SLC39A10: variants seen among roughly 807,000 people sequenced by gnomAD.
SLC39A10 encodes solute carrier family 39 member 10, also known as zinc transporter ZIP10.
Under a neutral mutation model 65.1 loss-of-function variants are expected in SLC39A10, and 13 were observed. The observed-to-expected ratio is 0.20, with a 90% CI of 0.13 to 0.32. The LOEUF is 0.32. Ranked by LOEUF, SLC39A10 falls within the 10% of genes least tolerant of loss-of-function variation. SLC39A10 has a pLI of 1.00. For synonymous variants in SLC39A10, 321 were observed against 342.2 expected, an observed-to-expected ratio of 0.94 and a Z score of 0.68; for missense variants, 831 against 1,018.4, an observed-to-expected ratio of 0.82 and a Z score of 2.50.
intron 3 of SLC39A10, among the ~76,000 whole-genome samples, chr2:195,687,000 C>G (rs1317870961): frequency 6.6e-6 from 1 of 152,150 alleles, no homozygotes; most frequent in Non-Finnish European, 1.5e-5. Context: ...GAATGGTCTT[C>G]TTGGTAAACA....
intron 3 of SLC39A10, among the ~76,000 whole-genome samples, chr2:195,705,844 T>A (rs1389395531): frequency 2.6e-5 from 4 of 152,214 alleles, no homozygotes; most frequent in Admixed American, 2.6e-4. Flanking sequence ...ATGTCTTACC[T>A]GTTTGTGAAT....
At chr2:195,616,057 G>A (rs533475146) in intron 2 of SLC39A10, among the ~76,000 whole-genome samples, 5 of 152,180 alleles carry the variant, frequency 3.3e-5, no homozygotes, top group Non-Finnish European at 7.3e-5. Flanking sequence ...CTGGGTGCAA[G>A]CGATTCTCCT....
intron 9 of SLC39A10, among the ~76,000 whole-genome samples, chr2:195,734,007 G>T (rs1692507169): frequency 6.6e-6 from 1 of 152,002 alleles, no homozygotes; most frequent in Non-Finnish European, 1.5e-5. Flanking sequence ...GAAAGCAATG[G>T]CATAAGGGCA....
intron 2 of SLC39A10, among the ~76,000 whole-genome samples, chr2:195,638,765 C>T (rs1427065201): frequency 6.6e-6 from 1 of 152,004 alleles, no homozygotes; most frequent in African/African-American, 2.4e-5. Flanking sequence ...AATTATGAAC[C>T]AATATTGATA....
rs1018265925 is a variant in SLC39A10, at chr2:195,717,790, C to T, written c.2066-462C>T. 9.2e-5 allele frequency among the ~76,000 whole-genome samples: 14 copies of T among 152,184 alleles called. 1 individual carries two copies. The highest frequency in any genetic ancestry group is 2.1e-4 in the South Asian group (1 of 4,830). ...CTAGATGCATTTATAAATCTGACCT[C>T]AGTCCTCAATACTACCAGACAAGTA... On this transcript the variant is annotated intron_variant, in intron 7 of 9. Coordinates refer to ENST00000359634, the MANE Select transcript of SLC39A10 (RefSeq NM_020342.3).
chr2:195,730,686 A>AT (rs1319654355), intron 9 of SLC39A10, among the ~76,000 whole-genome samples: 1 of 152,176 alleles, frequency 6.6e-6, no homozygotes, highest in East Asian at 1.9e-4. Flanking sequence ...TCGTATCTTT[A>AT]TTATAGGCCT....
In SLC39A10 at chr2:195,728,400, T is replaced by G. The variant is rs780263749; in HGVS notation, c.2337+51T>G. 9 of 1,518,392 alleles carry G rather than the reference T, an allele frequency of 5.9e-6. No individual in the cohort carries two copies. The highest frequency in any genetic ancestry group is 8.0e-6 in the Non-Finnish European group (9 of 1,118,574). The allele number at this position is 1,518,392 out of a possible 1,614,324, so 94.1% of individuals were successfully genotyped here. On this transcript the variant is annotated intron_variant, in intron 9 of 9. Transcript: ENST00000359634. The surrounding 1 kb of genome is among the most constrained non-coding windows in gnomAD (Gnocchi z 4.4). ...GTACTAAACCTGCAAATGAAAGAAA[T>G]CCTTGGAAGTGGTTTGAAGCCAAAC...
At chr2:195,681,394 C>T (rs747739970) in intron 2 of SLC39A10, among the ~76,000 whole-genome samples, 2 of 151,950 alleles carry the variant, frequency 1.3e-5, no homozygotes, top group Non-Finnish European at 2.9e-5. Context: ...GGCATGGTGG[C>T]GGGCGCCTGT....
intron 2 of SLC39A10, among the ~76,000 whole-genome samples, chr2:195,647,571 G>T (rs540810853): frequency 5.2e-4 from 79 of 152,012 alleles, no homozygotes; most frequent in African/African-American, 1.8e-3. Flanking sequence ...GACTTCAGAT[G>T]TGACTTCCTT....
chr2:195,627,586 A>G (rs1688500822), intron 2 of SLC39A10, among the ~76,000 whole-genome samples: 1 of 152,210 alleles, frequency 6.6e-6, no homozygotes, highest in African/African-American at 2.4e-5. Context: ...CTATGTGAGG[A>G]TGAGCAACTT....
chr2:195,633,627 G>A (rs1688638549), intron 2 of SLC39A10, among the ~76,000 whole-genome samples: 1 of 152,158 alleles, frequency 6.6e-6, no homozygotes, highest in African/African-American at 2.4e-5. Flanking sequence ...AATGTGGGAG[G>A]TTTTATTGCC....
At chr2:195,731,130 CAGAGTA>C (rs1692420848) in intron 9 of SLC39A10, among the ~76,000 whole-genome samples, 1 of 152,186 alleles carries the variant, frequency 6.6e-6, no homozygotes, top group African/African-American at 2.4e-5. Context: ...TCATCCCATT[CAGAGTA>C]AAAGTCCTAA....
intron 3 of SLC39A10, among the ~76,000 whole-genome samples, chr2:195,690,895 G>A (rs1690713609): frequency 6.6e-6 from 1 of 152,072 alleles, no homozygotes; most frequent in Non-Finnish European, 1.5e-5. Context: ...AACAGGTGGA[G>A]TTTGATTACA....
chr2:195,669,744 T>A (rs1689778714), intron 1 of SLC39A10, among the ~76,000 whole-genome samples: 1 of 152,166 alleles, frequency 6.6e-6, no homozygotes, highest in Non-Finnish European at 1.5e-5. Flanking sequence ...ACACCTGTAA[T>A]CCCAGCAGCT....
chr2:195,626,531 G>A (rs548185924), intron 2 of SLC39A10, among the ~76,000 whole-genome samples: 10 of 151,902 alleles, frequency 6.6e-5, no homozygotes, highest in Admixed American at 1.3e-4. Context: ...ACATATAATG[G>A]AGAAAATAAT....
intron 2 of SLC39A10, among the ~76,000 whole-genome samples, chr2:195,615,138 T>G (rs1186836064): frequency 6.6e-6 from 1 of 152,208 alleles, no homozygotes; most frequent in Non-Finnish European, 1.5e-5. Context: ...TGAATGTTTG[T>G]TCCCTCAGAG....
rs953617674 is a variant in SLC39A10 at position 195,736,755 on chromosome 2, T to C, written c.*1714T>C. 1.3e-5 allele frequency: 2 copies of C among 152,600 alleles called. No homozygotes were observed. The highest frequency in any genetic ancestry group is 2.4e-5 in the African/African-American group (1 of 41,452). The allele number at this position is 152,600 out of a possible 1,614,324, so 9.5% of individuals were successfully genotyped here. A position where few individuals can be genotyped will look rare whatever the true frequency, so the allele number is the denominator to read the frequency against. On this transcript the variant is annotated 3_prime_UTR_variant, in exon 10 of 10. Coordinates refer to ENST00000359634, the MANE Select transcript of SLC39A10 (RefSeq NM_020342.3). Reference sequence around the variant, plus strand: ...CCTTATAATAAGTAGAAGTTTTATATATAATTAATTTTCAGCATTGGGCAC... The same window carrying C: ...CCTTATAATAAGTAGAAGTTTTATACATAATTAATTTTCAGCATTGGGCAC...
intron 5 of SLC39A10, among the ~76,000 whole-genome samples, chr2:195,709,168 G>A (rs1691513851): frequency 6.6e-6 from 1 of 151,842 alleles, no homozygotes; most frequent in South Asian, 2.1e-4. Flanking sequence ...GGGACCATAG[G>A]CACATGCCAC....
chr2:195,661,697 C>T (rs182118572), intron 1 of SLC39A10, among the ~76,000 whole-genome samples: 145 of 152,178 alleles, frequency 9.5e-4, no homozygotes, highest in African/African-American at 3.3e-3. Flanking sequence ...TTGCCAGATA[C>T]AAGGAGTGGT....
Sources: gnomAD v4.1 joint callset for allele counts (sites outside exome capture counted in the v4.1 genomes callset) on GRCh38, gnomAD v4.1.1 for gene constraint, Gnocchi (gnomAD v3.1) non-coding constraint, MANE v1.5 for transcripts, NCBI Gene and HGNC (gene_info 2026-07-23, HGNC 2026-07-21) for gene names.